CPNE8: variants seen among roughly 807,000 people sequenced by gnomAD.
The protein encoded by CPNE8 is copine 8, also known as copine-8.
Under a neutral mutation model 81.5 loss-of-function variants are expected in CPNE8, and 45 were observed. The observed-to-expected ratio is 0.55, with a 90% CI of 0.44 to 0.71. CPNE8 has a LOEUF of 0.71. Among genes scored for constraint, CPNE8 ranks in the 30% least tolerant of loss-of-function variants. The pLI is 0.00. For missense variants in CPNE8, 594 were observed against 672.1 expected, an observed-to-expected ratio of 0.88 and a Z score of 1.28; for synonymous variants, 252 against 226.3, an observed-to-expected ratio of 1.11 and a Z score of -1.02.
chr12:38,827,093 A>G (rs1453845341), intron 6 of CPNE8, among the ~76,000 whole-genome samples: 3 of 151,046 alleles, frequency 2.0e-5, no homozygotes, highest in Non-Finnish European at 2.9e-5. Flanking sequence ...AGGCAGAAGA[A>G]TCACTTGAAC....
chr12:38,820,921 T>G (rs1943101438), intron 6 of CPNE8, among the ~76,000 whole-genome samples: 1 of 152,188 alleles, frequency 6.6e-6, no homozygotes, highest in Admixed American at 6.5e-5. Context: ...CTGAAGGTCC[T>G]TGAAATCTTC....
In CPNE8 at chr12:38,688,598, G is replaced by GGTGT. The variant is rs56769844; in HGVS notation, c.1144-2985_1144-2982dup. Reference sequence around the variant, plus strand: ...ACCAATAAGTGGATAAAGAAAATGTGGTGTGTGTGTGTGTGTGTGTGTGTA... The same window carrying GGTGT: ...ACCAATAAGTGGATAAAGAAAATGTGGTGTGTGTGTGTGTGTGTGTGTGTGTGTA... On this transcript the variant is annotated intron_variant, in intron 15 of 19. Transcript: ENST00000331366. 9.2e-3 allele frequency among the ~76,000 whole-genome samples: 1,361 copies of GGTGT among 148,610 alleles called. 16 individuals carry two copies. The highest frequency in any genetic ancestry group is 0.074 in the East Asian group (374 of 5,030).
chr12:38,754,984 C>A (rs1293191503), intron 10 of CPNE8, among the ~76,000 whole-genome samples: 2 of 152,124 alleles, frequency 1.3e-5, no homozygotes, highest in Non-Finnish European at 2.9e-5. Flanking sequence ...AAAAGGTTTA[C>A]AAATGCTTCT....
At chr12:38,784,589 C>T (rs1040033686) in intron 6 of CPNE8, among the ~76,000 whole-genome samples, 1 of 151,950 alleles carries the variant, frequency 6.6e-6, no homozygotes, top group Non-Finnish European at 1.5e-5. Context: ...ATCAAACTCC[C>T]AAAGGTTAAG....
chr12:38,730,175 C>T, intron 11 of CPNE8, 108 bp downstream of exon 11: 1 of 713,338 alleles, frequency 1.4e-6, no homozygotes, highest in Non-Finnish European at 2.5e-6. Context: ...CTTACATACA[C>T]TGATACTTAG....
intron 13 of CPNE8, among the ~76,000 whole-genome samples, chr12:38,719,297 C>A (rs1030047882): frequency 6.6e-6 from 1 of 152,088 alleles, no homozygotes; most frequent in Non-Finnish European, 1.5e-5. Flanking sequence ...TAATAAAAGT[C>A]AAATTTTAAA....
In CPNE8 at chr12:38,764,616, C is replaced by CAAAAAAA. The variant is rs1247038606; in HGVS notation, c.576-2407_576-2401dup. Among the ~76,000 whole-genome samples, 104 of 44,218 alleles carry CAAAAAAA rather than the reference C, an allele frequency of 2.4e-3. 1 individual carries two copies. Among genetic ancestry groups the CAAAAAAA allele is most frequent in the Non-Finnish European group, 2.7e-3 (59 of 22,228 alleles). 29.0% of individuals were successfully genotyped at this position (44,218 alleles called of 152,430 possible). A position where few individuals can be genotyped will look rare whatever the true frequency, so the allele number is the denominator to read the frequency against. ...TGGGCGACAGAGCGAGACTCCGTCT[C>CAAAAAAA]AAAAAAAAAAAAAAAAAAAAAAAGA... On this transcript the variant is annotated intron_variant, in intron 8 of 19. Coordinates refer to ENST00000331366, the MANE Select transcript of CPNE8 (RefSeq NM_153634.3).
chr12:38,657,130 A>G (rs1565556514), intron 19 of CPNE8, among the ~76,000 whole-genome samples: 1 of 152,120 alleles, frequency 6.6e-6, no homozygotes, highest in Non-Finnish European at 1.5e-5. Context: ...TAGCCAAGGG[A>G]AGCCATGACA....
In CPNE8 at chr12:38,693,772, GC is replaced by G; in HGVS notation, c.1027del (p.Ala343HisfsTer2). ...NPYQLNAYGM[A>X]LKAVGEIVQD... is the part of the protein sequence containing the mutation. ...AACAATTTCTCCCACTGCTTTTAGT[GC>G]CATACCATAGGCATTCAGTTGGTAA... On this transcript the variant is annotated frameshift_variant, in exon 15 of 20. Coordinates refer to ENST00000331366, the MANE Select transcript of CPNE8 (RefSeq NM_153634.3). LOFTEE classifies it high-confidence loss of function. 1 of 1,613,334 alleles carries G rather than the reference GC, an allele frequency of 6.2e-7. No individual in the cohort carries two copies. The highest frequency in any genetic ancestry group is 8.5e-7 in the Non-Finnish European group (1 of 1,179,562).
chr12:38,793,758 A>G (rs1037599616), intron 6 of CPNE8, among the ~76,000 whole-genome samples: 8 of 152,080 alleles, frequency 5.3e-5, no homozygotes, highest in Admixed American at 4.6e-4. Flanking sequence ...GGGACTCCAA[A>G]TAGCCAAAGC....
intron 13 of CPNE8, among the ~76,000 whole-genome samples, chr12:38,717,429 G>GTATATATA (rs57044387): frequency 0.026 from 2,297 of 86,886 alleles, 122 homozygotes; most frequent in East Asian, 0.11. Context: ...AAAGTGTGGT[G>GTATATATA]TATATATATA....
chr12:38,672,353 T>C lies in CPNE8; in HGVS notation c.1433-1551A>G, dbSNP rs188904710. On this transcript the variant is annotated intron_variant, in intron 18 of 19. Coordinates refer to ENST00000331366, the MANE Select transcript of CPNE8 (RefSeq NM_153634.3). ...AATATCTCCCACTTTTCAGCATGTC[T>C]GGTTTAAAACACTGTAGACAGCAAG... is the stretch of plus-strand genomic sequence containing the variant. Among the ~76,000 whole-genome samples the C allele has an allele frequency of 1.1e-4, 17 of 152,320 alleles. No homozygotes were observed. The East Asian group carries it at 3.3e-3, about 29-fold the overall frequency.
At chr12:38,875,515 G>A (rs1052419883) in intron 1 of CPNE8, among the ~76,000 whole-genome samples, 4 of 152,066 alleles carry the variant, frequency 2.6e-5, no homozygotes, top group African/African-American at 9.7e-5. Context: ...TCGTGTTCAA[G>A]CTGTCTTATT....
chr12:38,679,735 A>G (rs1939370334), intron 16 of CPNE8: 1 of 973,840 alleles, frequency 1.0e-6, no homozygotes, highest in African/African-American at 1.8e-5. Flanking sequence ...AACAAAATCA[A>G]TGTTGTATTA....
chr12:38,739,351 G>A (rs1941034478), intron 10 of CPNE8, among the ~76,000 whole-genome samples: 1 of 152,106 alleles, frequency 6.6e-6, no homozygotes, highest in Non-Finnish European at 1.5e-5. Flanking sequence ...CGGAAACTAT[G>A]AAGTAAAATT....
chr12:38,852,599 T>C (rs1396912433), intron 3 of CPNE8, among the ~76,000 whole-genome samples: 1 of 151,952 alleles, frequency 6.6e-6, no homozygotes, highest in East Asian at 1.9e-4. Context: ...TGAAACTCCA[T>C]CTCAAAAAAT....
chr12:38,703,849 GAC>G (rs148039168), intron 13 of CPNE8, among the ~76,000 whole-genome samples: 1 of 151,528 alleles, frequency 6.6e-6, no homozygotes, highest in Admixed American at 6.6e-5. Context: ...TCACAAGAGT[GAC>G]ACACACACAC....
intron 1 of CPNE8, among the ~76,000 whole-genome samples, chr12:38,902,358 A>AAGAAAGAAAGAAAGAAAAGAAAGAAAG (rs1944488269): frequency 8.3e-5 from 8 of 96,384 alleles, no homozygotes; most frequent in African/African-American, 5.1e-4. Context: ...GAAAGAAAGA[A>AAGAAAGAAAGAAAGAAAAGAAAGAAAG]AGAAAGAAAG....
Position 38,652,473 on chromosome 12 carries a change from T to C in CPNE8, c.*1409A>G, listed in dbSNP as rs1043188081. The C allele has an allele frequency of 6.6e-6, 1 of 152,614 alleles. No homozygotes were observed. The highest frequency in any genetic ancestry group is 1.5e-5 in the Non-Finnish European group (1 of 68,012). 9.5% of individuals were successfully genotyped at this position (152,614 alleles called of 1,614,324 possible). On this transcript the variant is annotated 3_prime_UTR_variant, in exon 20 of 20. Transcript: ENST00000331366. Reference sequence around the variant, plus strand: ...TATTTTTCTTTCCAGTAAAATAGTTTCATGCTTATAAAAGTCACCCTAGGT... The same window carrying C: ...TATTTTTCTTTCCAGTAAAATAGTTCCATGCTTATAAAAGTCACCCTAGGT...
Sources: allele counts gnomAD v4.1 joint callset (sites outside exome capture counted in the v4.1 genomes callset), GRCh38; gene constraint gnomAD v4.1.1; transcripts MANE v1.5; gene names NCBI Gene and HGNC (gene_info 2026-07-23, HGNC 2026-07-21).